The following KCNT1 variants were observed in gnomAD, a reference collection of about 807,000 sequenced individuals.
The protein encoded by KCNT1 is potassium sodium-activated channel subfamily T member 1.
Under a neutral mutation model 147.8 loss-of-function variants are expected in KCNT1, and 78 were observed. The observed-to-expected ratio is 0.53, with a 90% CI of 0.44 to 0.64. The LOEUF (loss-of-function observed/expected upper bound fraction) is 0.64, where lower values mean the gene tolerates loss of function less well. Ranked by LOEUF, KCNT1 falls within the 30% of genes least tolerant of loss-of-function variation. The pLI, the probability that KCNT1 is intolerant of heterozygous loss-of-function variation, is 0.00. For missense variants in KCNT1, 1,419 were observed against 1,750.3 expected (o/e 0.81, Z 3.38); for synonymous variants, 867 against 748.8 (o/e 1.16, Z -2.58).
At chr9:135,788,097 T>C (rs1044773311) in intron 29 of KCNT1, 1 of 1,605,158 alleles carries the variant, frequency 6.2e-7, no homozygotes, top group South Asian at 1.1e-5. Context: ...GTGTGTTCTG[T>C]AGAGGACGTA....
chr9:135,742,204 C>T (rs1351310861), intron 2 of KCNT1, among the ~76,000 whole-genome samples: 1 of 152,160 alleles, frequency 6.6e-6, no homozygotes, highest in East Asian at 1.9e-4. Context: ...GCAGGGCTGG[C>T]GGGTGCCTCA....
chr9:135,754,419 G>T (rs10745371), intron 5 of KCNT1, among the ~76,000 whole-genome samples: 71,018 of 152,042 alleles, frequency 0.47, 16,823 homozygotes, highest in South Asian at 0.56. Flanking sequence ...TCCCAGTGAG[G>T]TGGCGGCTTC....
In KCNT1 at chr9:135,791,459, C is replaced by T. The variant is rs75700444; in HGVS notation, c.3503-338C>T. ...ACACGTCCCGGTGTCTGCAGGCTGA[C>T]GTACGTGGCAGGTGTGCGCTGGTGT... is the stretch of plus-strand genomic sequence containing the variant. On this transcript the variant is annotated intron_variant, in intron 29 of 30. Coordinates refer to ENST00000371757, the MANE Select transcript of KCNT1 (RefSeq NM_020822.3). The T allele has an allele frequency of 4.0e-3, 1,223 of 304,130 alleles. 5 individuals carry two copies. Among genetic ancestry groups the T allele is most frequent in the Non-Finnish European group, 4.9e-3 (788 of 159,716 alleles). The allele number at this position is 304,130 out of a possible 1,614,324, so 18.8% of individuals were successfully genotyped here.
chr9:135,729,186 C>A (rs943066472), intron 2 of KCNT1, among the ~76,000 whole-genome samples: 1 of 152,226 alleles, frequency 6.6e-6, no homozygotes, highest in Non-Finnish European at 1.5e-5. Context: ...GAGTGGGCTG[C>A]GTCTACTCAC....
intron 27 of KCNT1, among the ~76,000 whole-genome samples, 194 bp downstream of exon 27, chr9:135,785,083 GC>G (rs1378570299): frequency 6.6e-6 from 1 of 152,226 alleles, no homozygotes; most frequent in Non-Finnish European, 1.5e-5. Context: ...TGGTCCGTGT[GC>G]CCACGTGTAG....
In KCNT1 at chr9:135,792,168, C is replaced by T. The variant is rs1322885722; in HGVS notation, c.*7C>T. The T allele has an allele frequency of 6.2e-7, 1 of 1,603,612 alleles. No individual in the cohort carries two copies. Among genetic ancestry groups the T allele is most frequent in the Non-Finnish European group, 8.5e-7 (1 of 1,178,932 alleles). ...CGACGAGACACAGCTCTGAGCCAGC[C>T]CTGCACGGAGCTCAGGCCACCAAGC... On this transcript the variant is annotated 3_prime_UTR_variant, in exon 31 of 31. Coordinates refer to ENST00000371757, the MANE Select transcript of KCNT1 (RefSeq NM_020822.3).
intron 20 of KCNT1, 73 bp from the exon 21 acceptor site, chr9:135,777,265 G>A (rs892891028): frequency 9.9e-6 from 15 of 1,507,966 alleles, no homozygotes; most frequent in Non-Finnish European, 1.3e-5. Flanking sequence ...TTGGTGAGGG[G>A]TCTGGGAGGG....
rs373596158 is a variant in KCNT1 at position 135,791,782 on chromosome 9, C to T, written c.3503-15C>T. On this transcript the variant is annotated splice_polypyrimidine_tract_variant and intron_variant, in intron 29 of 30. Transcript: ENST00000371757. Reference sequence around the variant, plus strand: ...GGCTGGGGGGGTGACGTCTGCCCGGCTGTGTCCTTTGCAGACGAGATGAAC... The same window carrying T: ...GGCTGGGGGGGTGACGTCTGCCCGGTTGTGTCCTTTGCAGACGAGATGAAC... 1.5e-5 allele frequency: 24 copies of T among 1,611,968 alleles called. No homozygotes were observed. The highest frequency in any genetic ancestry group is 1.6e-4 in the Middle Eastern group (1 of 6,080).
chr9:135,775,264 G>A, intron 19 of KCNT1, 46 bp from the exon 20 acceptor site: 1 of 1,479,560 alleles, frequency 6.8e-7, no homozygotes, highest in Non-Finnish European at 9.3e-7. Context: ...AGCAGACCCA[G>A]CCACCTCTGT....
Position 135,759,757 on chromosome 9 carries a change from C to T in KCNT1, c.933C>T (p.Thr311=). The T allele has an allele frequency of 6.2e-7, 1 of 1,613,604 alleles. No homozygotes were observed. Among genetic ancestry groups the T allele is most frequent in the Non-Finnish European group, 8.5e-7 (1 of 1,179,872 alleles). Residue 311 remains threonine, a synonymous_variant, in exon 11 of 31, where the codon ACC becomes ACT. Transcript: ENST00000371757. ...LLTSFYFCIV[T]FSTVGYGDVT... is the part of the protein sequence containing the mutation. ...CCTCCTTCTACTTCTGCATCGTCAC[C>T]TTCTCCACCGTGGGCTACGGTGACG...
rs184078548 is a variant in KCNT1 at position 135,780,732 on chromosome 9, G to A, written c.2841+1262G>A. ...TCGGGAGCTCCTGGCCCCAGTCCCC[G>A]GCTCAGCCGGCAGAGGGGTGTGCTC... On this transcript the variant is annotated intron_variant, in intron 24 of 30. Transcript: ENST00000371757. Among the ~76,000 whole-genome samples, 456 of 152,278 alleles carry A rather than the reference G, an allele frequency of 3.0e-3. 4 individuals carry two copies. The highest frequency in any genetic ancestry group is 0.01 in the African/African-American group (430 of 41,554).
At chr9:135,786,617 G>C in intron 29 of KCNT1, 96 bp downstream of exon 29, 1 of 1,183,368 alleles carries the variant, frequency 8.5e-7, no homozygotes, top group Non-Finnish European at 1.1e-6. Context: ...CCGGGGCCCG[G>C]GCCGTCCTCC....
At chr9:135,729,455 G>A (rs1588275746) in intron 2 of KCNT1, among the ~76,000 whole-genome samples, 2 of 152,262 alleles carry the variant, frequency 1.3e-5, no homozygotes, top group East Asian at 3.8e-4. Flanking sequence ...GGCTCCAGAT[G>A]CGGGCCCAGC....
intron 11 of KCNT1, among the ~76,000 whole-genome samples, chr9:135,760,457 GAGA>G (rs368102824): frequency 3.3e-5 from 5 of 152,210 alleles, no homozygotes; most frequent in African/African-American, 1.2e-4. Context: ...GGGGAGATGG[GAGA>G]AGGAGGGGAC....
intron 20 of KCNT1, among the ~76,000 whole-genome samples, chr9:135,775,755 T>G (rs1226843789): frequency 2.6e-5 from 4 of 152,236 alleles, no homozygotes; most frequent in East Asian, 3.9e-4. Context: ...CTACAGCTCA[T>G]TAGGACAGGG....
intron 2 of KCNT1, among the ~76,000 whole-genome samples, chr9:135,733,231 G>GC (rs1220090586): frequency 1.3e-4 from 5 of 37,882 alleles, no homozygotes; most frequent in African/African-American, 6.0e-4. Flanking sequence ...CCCCACAACT[G>GC]CCCCCCATAC....
intron 20 of KCNT1, among the ~76,000 whole-genome samples, chr9:135,775,944 T>TG (rs755153716): frequency 6.6e-6 from 1 of 152,042 alleles, no homozygotes; most frequent in African/African-American, 2.4e-5. Flanking sequence ...TGGGGTCTCT[T>TG]GACCTTAATA....
At chr9:135,729,903 CT>C (rs1401348569) in intron 2 of KCNT1, among the ~76,000 whole-genome samples, 1 of 152,226 alleles carries the variant, frequency 6.6e-6, no homozygotes. Context: ...GTACTTCCCC[CT>C]GGTCACCTCA....
intron 11 of KCNT1, among the ~76,000 whole-genome samples, chr9:135,762,215 G>A (rs551696454): frequency 3.3e-5 from 5 of 152,242 alleles, no homozygotes; most frequent in Middle Eastern, 3.2e-3. Context: ...AGGCCAAGGC[G>A]GGAGGATCGC....
Sources: gnomAD v4.1 joint callset for allele counts (sites outside exome capture counted in the v4.1 genomes callset) on GRCh38, gnomAD v4.1.1 for gene constraint, MANE v1.5 for transcripts, NCBI Gene and HGNC (gene_info 2026-07-23, HGNC 2026-07-21) for gene names.